SEC16B: variants seen among roughly 807,000 people sequenced by gnomAD.
SEC16B encodes the protein protein transport protein Sec16B.
A neutral mutation model predicts 141.8 loss-of-function variants in SEC16B; 115 were observed. That is an observed-to-expected ratio of 0.81 (90% CI 0.70 to 0.95). The LOEUF (loss-of-function observed/expected upper bound fraction) is 0.95. Among genes scored for constraint, SEC16B ranks in the 40% least tolerant of loss-of-function variants. The pLI is 0.00. For missense variants in SEC16B, 1,291 were observed against 1,312.3 expected (o/e 0.98, Z 0.25); for synonymous variants, 493 against 492.5 (o/e 1.00, Z -0.01).
At chr1:177,932,896 C>T (rs896412017) in intron 22 of SEC16B, 90 bp from the exon 23 acceptor site, 46 of 1,291,802 alleles carry the variant, frequency 3.6e-5, no homozygotes, top group East Asian at 1.0e-4. Flanking sequence ...CTCACGATGG[C>T]GGCCTTGCCA....
At chr1:177,948,409 G>C (rs1229360108) in intron 12 of SEC16B, 1 of 1,304,302 alleles carries the variant, frequency 7.7e-7, no homozygotes, top group Admixed American at 2.3e-5. Context: ...ATGTTTTCTG[G>C]CTCTACAAAG....
intron 8 of SEC16B, 175 bp from the exon 9 acceptor site, chr1:177,959,150 A>T (rs1652872933): frequency 1.4e-6 from 1 of 704,810 alleles, no homozygotes; most frequent in Non-Finnish European, 2.5e-6. Flanking sequence ...TTTCTTATAG[A>T]ACAAGAAGAA....
At chr1:177,977,845 C>T (rs913550405) in intron 1 of SEC16B, among the ~76,000 whole-genome samples, 5 of 152,064 alleles carry the variant, frequency 3.3e-5, no homozygotes, top group Admixed American at 2.0e-4. Context: ...TTGGAAAAAT[C>T]GCCTAATCTC....
Position 177,949,429 on chromosome 1 carries a change from C to CAA in SEC16B, c.1546-1489_1546-1488dup, listed in dbSNP as rs1553233321. On this transcript the variant is annotated intron_variant, in intron 12 of 25. Coordinates refer to ENST00000308284, the MANE Select transcript of SEC16B (RefSeq NM_033127.4). Reference sequence around the variant, plus strand: ...ACACACACACACACACACACACACACAAAGAAAAACTTAGAGGTCATTATT... The same window carrying CAA: ...ACACACACACACACACACACACACACAAAAAGAAAAACTTAGAGGTCATTATT... Among the ~76,000 whole-genome samples, 66 of 139,242 alleles carry CAA rather than the reference C, an allele frequency of 4.7e-4. 1 individual carries two copies. Among genetic ancestry groups the CAA allele is most frequent in the African/African-American group, 1.6e-3 (59 of 37,300 alleles). The allele number at this position is 139,242 out of a possible 152,430, so 91.3% of individuals were successfully genotyped here.
intron 17 of SEC16B, 127 bp from the exon 18 acceptor site, chr1:177,939,904 T>C: frequency 1.3e-6 from 1 of 774,224 alleles, no homozygotes; most frequent in Non-Finnish European, 2.1e-6. Flanking sequence ...AGGGAAATGC[T>C]TGTATGCTTA....
At chr1:177,959,218 C>G in intron 8 of SEC16B, 1 of 503,484 alleles carries the variant, frequency 2.0e-6, no homozygotes, top group South Asian at 2.0e-5. Flanking sequence ...GGCTCAGAGA[C>G]CTGAAGTCAC....
intron 1 of SEC16B, among the ~76,000 whole-genome samples, chr1:177,979,966 G>A (rs765125006): frequency 1.3e-5 from 2 of 152,176 alleles, no homozygotes; most frequent in Admixed American, 6.6e-5. Flanking sequence ...TGAGATTTGG[G>A]TGGGGACACA....
intron 8 of SEC16B, 180 bp downstream of exon 8, chr1:177,960,162 G>A: frequency 1.7e-6 from 1 of 575,474 alleles, no homozygotes; most frequent in Non-Finnish European, 3.1e-6. Flanking sequence ...CTATTGAATG[G>A]CTTGTCAAAA....
At chr1:177,957,762 T>TA (rs1369452348) in intron 10 of SEC16B, among the ~76,000 whole-genome samples, 3 of 152,008 alleles carry the variant, frequency 2.0e-5, no homozygotes, top group African/African-American at 7.2e-5. Context: ...TTATTCATTC[T>TA]AACTTTTTTT....
At chr1:177,966,399 G>A (rs543186800) in intron 2 of SEC16B, among the ~76,000 whole-genome samples, 20 of 152,106 alleles carry the variant, frequency 1.3e-4, no homozygotes, top group East Asian at 1.2e-3. Context: ...ATACACCACC[G>A]TAATTTCCAT....
In SEC16B at chr1:177,944,597, C is replaced by T; in HGVS notation, c.1845G>A (p.Met615Ile). 3 of 1,613,892 alleles carry T rather than the reference C, an allele frequency of 1.9e-6. No homozygotes were observed. The highest frequency in any genetic ancestry group is 2.5e-6 in the Non-Finnish European group (3 of 1,179,822). ...QRTEIFEYCQMLGRPKSFIPS... is the reference protein window; with the variant it reads ...QRTEIFEYCQILGRPKSFIPS... ...GGATGAAGGATTTGGGGCGGCCCAG[C>T]ATCTGACAGTACTCGAAGATTTCCG... Residue 615 changes from methionine to isoleucine, a missense_variant, in exon 15 of 26, where the codon ATG becomes ATA. Coordinates refer to ENST00000308284, the MANE Select transcript of SEC16B (RefSeq NM_033127.4).
chr1:177,946,698 A>C (rs1283196865), intron 13 of SEC16B, among the ~76,000 whole-genome samples, 167 bp from the exon 14 acceptor site: 1 of 152,122 alleles, frequency 6.6e-6, no homozygotes, highest in African/African-American at 2.4e-5. Context: ...CAGACCCCTA[A>C]ACCCCACTCC....
At chr1:177,982,558 T>G (rs1255933767) in intron 1 of SEC16B, among the ~76,000 whole-genome samples, 2 of 152,206 alleles carry the variant, frequency 1.3e-5, no homozygotes, top group African/African-American at 4.8e-5. Flanking sequence ...AAAAATGGAT[T>G]TGATCCATCA....
intron 20 of SEC16B, among the ~76,000 whole-genome samples, chr1:177,935,334 G>A (rs75129846): frequency 6.6e-6 from 1 of 152,082 alleles, no homozygotes; most frequent in East Asian, 1.9e-4. Context: ...TCAAATAAAT[G>A]AATGAATAGC....
At chr1:177,976,959 A>G (rs1328595125) in intron 1 of SEC16B, among the ~76,000 whole-genome samples, 1 of 152,224 alleles carries the variant, frequency 6.6e-6, no homozygotes, top group Non-Finnish European at 1.5e-5. Context: ...AATGCAGCCC[A>G]GTGCTTCTCA....
intron 12 of SEC16B, 58 bp downstream of exon 12, chr1:177,951,856 C>G: frequency 1.4e-6 from 2 of 1,415,198 alleles, no homozygotes; most frequent in Non-Finnish European, 2.0e-6. Context: ...TGAGCAGTCC[C>G]CGCCCCCTCA....
chr1:177,950,184 T>G (rs1282079731), intron 12 of SEC16B, among the ~76,000 whole-genome samples: 2 of 152,166 alleles, frequency 1.3e-5, no homozygotes, highest in Non-Finnish European at 2.9e-5. Flanking sequence ...GAGGTCGATT[T>G]TTATTTAAAC....
At chr1:177,948,038 C>A in intron 12 of SEC16B, 96 bp from the exon 13 acceptor site, 1 of 973,808 alleles carries the variant, frequency 1.0e-6, no homozygotes, top group South Asian at 1.5e-5. Flanking sequence ...CAGAAGTGGT[C>A]AGAGAATGCC....
chr1:177,939,696 G>A lies in SEC16B; in HGVS notation c.2203+6C>T. 1 of 1,579,644 alleles carries A rather than the reference G, an allele frequency of 6.3e-7. No individual in the cohort carries two copies. Among genetic ancestry groups the A allele is most frequent in the East Asian group, 2.3e-5 (1 of 43,922 alleles). On this transcript the variant is annotated splice_donor_region_variant and intron_variant, in intron 18 of 25. Coordinates refer to ENST00000308284, the MANE Select transcript of SEC16B (RefSeq NM_033127.4). ...ATGTATATGCTCAGTTCATCATTTT[G>A]GGTACCTGTTGTTGTTCCTCCGGCT...
Sources: allele counts gnomAD v4.1 joint callset (sites outside exome capture counted in the v4.1 genomes callset), GRCh38; gene constraint gnomAD v4.1.1; transcripts MANE v1.5; gene names NCBI Gene and HGNC (gene_info 2026-07-23, HGNC 2026-07-21).